Variants in DSCAM observed in about 807,000 individuals in gnomAD.
DSCAM encodes cell adhesion molecule DSCAM.
In DSCAM, 47 loss-of-function variants were observed where a neutral mutation model predicts 217.7. The ratio of observed to expected loss-of-function variants is 0.22; its 90% CI spans 0.17 to 0.28. DSCAM has a LOEUF of 0.28. DSCAM is among the 10% of genes least tolerant of loss of function. The pLI is 1.00. For synonymous variants in DSCAM, 1,056 were observed against 1,015.3 expected (o/e 1.04, Z -0.76); for missense variants, 2,080 against 2,618.3 (o/e 0.79, Z 4.49).
chr21:40,739,330 G>A (rs1003803442), intron 1 of DSCAM, among the ~76,000 whole-genome samples: 1 of 152,200 alleles, frequency 6.6e-6, no homozygotes, highest in Non-Finnish European at 1.5e-5. Flanking sequence ...AGAGAGGCTG[G>A]TCCAGCAAAA....
intron 3 of DSCAM, among the ~76,000 whole-genome samples, chr21:40,389,877 G>A (rs780605601): frequency 7.2e-5 from 11 of 152,216 alleles, no homozygotes; most frequent in Non-Finnish European, 1.0e-4. Flanking sequence ...AGGTGTGGAC[G>A]TGAGGACACG....
intron 3 of DSCAM, among the ~76,000 whole-genome samples, chr21:40,467,607 C>T (rs1278744879): frequency 6.6e-6 from 1 of 151,974 alleles, no homozygotes; most frequent in Non-Finnish European, 1.5e-5. Flanking sequence ...ACATACTTTC[C>T]AGAAATGAAA....
At chr21:40,014,798 A>G (rs2088128193) in intron 32 of DSCAM, among the ~76,000 whole-genome samples, 1 of 152,206 alleles carries the variant, frequency 6.6e-6, no homozygotes, top group African/African-American at 2.4e-5. Flanking sequence ...GCGCTTCTCA[A>G]AAACCTGAAC....
At chr21:40,681,700 G>A (rs2090402686) in intron 3 of DSCAM, among the ~76,000 whole-genome samples, 1 of 152,172 alleles carries the variant, frequency 6.6e-6, no homozygotes, top group African/African-American at 2.4e-5. Flanking sequence ...GGTTGTGGTA[G>A]ATGTAATCAT....
At chr21:40,209,802 G>A (rs980091895) in intron 11 of DSCAM, among the ~76,000 whole-genome samples, 1 of 152,134 alleles carries the variant, frequency 6.6e-6, no homozygotes, top group Non-Finnish European at 1.5e-5. Flanking sequence ...GTGCTGGGCT[G>A]TGAAATGGCA....
intron 3 of DSCAM, among the ~76,000 whole-genome samples, chr21:40,592,220 A>T (rs1255792660): frequency 2.6e-5 from 4 of 152,202 alleles, no homozygotes; most frequent in Admixed American, 2.0e-4. Context: ...AATTACTCTG[A>T]TAATGCAATT....
chr21:40,212,904 A>C (rs999278075), intron 11 of DSCAM, among the ~76,000 whole-genome samples: 3 of 152,194 alleles, frequency 2.0e-5, no homozygotes, highest in Non-Finnish European at 4.4e-5. Context: ...AGCCATGTGA[A>C]GGTGGAGGCA....
At chr21:40,454,492 T>C (rs2075747504) in intron 3 of DSCAM, among the ~76,000 whole-genome samples, 1 of 152,152 alleles carries the variant, frequency 6.6e-6, no homozygotes, top group Non-Finnish European at 1.5e-5. Flanking sequence ...GAAAAAGCAA[T>C]ATAACAATGT....
intron 11 of DSCAM, among the ~76,000 whole-genome samples, chr21:40,217,693 T>C (rs1367219222): frequency 6.6e-6 from 1 of 152,262 alleles, no homozygotes; most frequent in East Asian, 1.9e-4. Context: ...ATAATAAAAT[T>C]ATTAAAGTCA....
intron 3 of DSCAM, among the ~76,000 whole-genome samples, chr21:40,510,560 G>T (rs1187354789): frequency 2.0e-5 from 3 of 152,230 alleles, no homozygotes; most frequent in African/African-American, 7.2e-5. Flanking sequence ...GTCAACAGAA[G>T]TTGGGTGTGT....
At chr21:40,671,737 A>ATAGTC (rs2090278263) in intron 3 of DSCAM, among the ~76,000 whole-genome samples, 1 of 152,030 alleles carries the variant, frequency 6.6e-6, no homozygotes, top group South Asian at 2.1e-4. Flanking sequence ...AAATGGAAAA[A>ATAGTC]TAGTTTAAAT....
At chr21:40,485,724 TTTG>T (rs1352110618) in intron 3 of DSCAM, among the ~76,000 whole-genome samples, 2 of 152,142 alleles carry the variant, frequency 1.3e-5, no homozygotes, top group African/African-American at 4.8e-5. Flanking sequence ...GTTATTTCTA[TTTG>T]TTATTTAACT....
intron 3 of DSCAM, among the ~76,000 whole-genome samples, chr21:40,657,096 T>C (rs1426366342): frequency 6.6e-6 from 1 of 152,208 alleles, no homozygotes; most frequent in African/African-American, 2.4e-5. Context: ...AAGTTTTGCA[T>C]GTTTGAAAGG....
chr21:40,305,167 A>G (rs930915426), intron 9 of DSCAM, among the ~76,000 whole-genome samples: 2 of 152,150 alleles, frequency 1.3e-5, no homozygotes, highest in African/African-American at 2.4e-5. Flanking sequence ...AGTGGGGTGC[A>G]TCACCTGAGG....
At chr21:40,620,230 GAA>G (rs1169919512) in intron 3 of DSCAM, among the ~76,000 whole-genome samples, 2 of 35,774 alleles carry the variant, frequency 5.6e-5, no homozygotes, top group African/African-American at 1.1e-4. Context: ...AAAAGAAAAA[GAA>G]AGAAAGAGAG....
chr21:40,375,266 C>A (rs2074938640), intron 3 of DSCAM, among the ~76,000 whole-genome samples: 1 of 152,220 alleles, frequency 6.6e-6, no homozygotes, highest in South Asian at 2.1e-4. Flanking sequence ...TGCTTCCCTA[C>A]AATTTAATCT....
chr21:40,346,692 A>G (rs188274638), intron 6 of DSCAM, among the ~76,000 whole-genome samples: 201 of 152,360 alleles, frequency 1.3e-3, no homozygotes, highest in African/African-American at 4.4e-3. Flanking sequence ...AGCAAATCGT[A>G]TCACATATCC....
At chr21:40,461,252 G>A (rs2075803626) in intron 3 of DSCAM, among the ~76,000 whole-genome samples, 3 of 152,176 alleles carry the variant, frequency 2.0e-5, no homozygotes, top group Admixed American at 1.3e-4. Context: ...AGAAACTGGT[G>A]TTTGCCTATG....
intron 3 of DSCAM, among the ~76,000 whole-genome samples, chr21:40,691,876 C>A (rs972191227): frequency 6.6e-6 from 1 of 152,160 alleles, no homozygotes; most frequent in Non-Finnish European, 1.5e-5. Flanking sequence ...TCTAGCTAAT[C>A]AATAAGCTGA....
Sources: allele counts gnomAD v4.1 joint callset (sites outside exome capture counted in the v4.1 genomes callset), GRCh38; gene constraint gnomAD v4.1.1; transcripts MANE v1.5; gene names NCBI Gene and HGNC (gene_info 2026-07-23, HGNC 2026-07-21).